ADAM28: variants seen among roughly 807,000 people sequenced by gnomAD.
ADAM28 encodes ADAM metallopeptidase domain 28, also known as disintegrin and metalloproteinase domain-containing protein 28.
Under a neutral mutation model 101.2 loss-of-function variants are expected in ADAM28, and 105 were observed. The observed-to-expected ratio is 1.04, with a 90% confidence interval of 0.89 to 1.22. ADAM28 has a LOEUF of 1.22. Among genes scored for constraint, ADAM28 ranks in the 50% most tolerant of loss-of-function variants. ADAM28 has a pLI of 0.00. For missense variants in ADAM28, 1,028 were observed against 945.4 expected (o/e 1.09, Z -1.15); for synonymous variants, 322 against 310.6 (o/e 1.04, Z -0.39).
At chr8:24,317,295 A>T (rs561684877) in intron 6 of ADAM28, among the ~76,000 whole-genome samples, 1 of 152,088 alleles carries the variant, frequency 6.6e-6, no homozygotes, top group Non-Finnish European at 1.5e-5. Context: ...TATATTACAA[A>T]GATATAGTAA....
intron 2 of ADAM28, among the ~76,000 whole-genome samples, chr8:24,302,696 G>A (rs1197893654): frequency 1.3e-5 from 2 of 152,200 alleles, no homozygotes; most frequent in African/African-American, 4.8e-5. Context: ...CATCAGTGAT[G>A]TTGAGCTTTT....
Position 24,335,620 on chromosome 8 carries a change from T to G in ADAM28, c.1546T>G (p.Cys516Gly). 1 of 1,611,146 alleles carries G rather than the reference T, an allele frequency of 6.2e-7. No individual in the cohort carries two copies. Among genetic ancestry groups the G allele is most frequent in the Non-Finnish European group, 8.5e-7 (1 of 1,178,642 alleles). The change falls in exon 14 of 23, where the codon TGC becomes GGC. Residue 516 changes from cysteine (C) to glycine (G), a missense_variant. Physicochemically the swap from Cys to Gly is radical, Grantham distance 159. Transcript: ENST00000265769. ...MGTCPTLQEQCTELWGPGTEV... is the reference protein window; with the variant it reads ...MGTCPTLQEQGTELWGPGTEV... ...GACATGCCCCACACTGCAGGAGCAG[T>G]GCACAGAGCTGTGGGGACCAGGTAG...
intron 13 of ADAM28, among the ~76,000 whole-genome samples, chr8:24,334,943 A>T (rs998469394): frequency 6.6e-6 from 1 of 152,192 alleles, no homozygotes; most frequent in African/African-American, 2.4e-5. Flanking sequence ...GAAAGGAAAT[A>T]GCTGAACCTA....
intron 14 of ADAM28, 169 bp downstream of exon 14, chr8:24,335,810 T>C (rs1326970589): frequency 3.1e-6 from 4 of 1,279,856 alleles, no homozygotes; most frequent in East Asian, 6.0e-5. Flanking sequence ...TTGCTAGATT[T>C]AGCAAGTAAA....
intron 5 of ADAM28, among the ~76,000 whole-genome samples, chr8:24,312,528 T>C (rs1810607422): frequency 6.6e-6 from 1 of 152,066 alleles, no homozygotes; most frequent in Non-Finnish European, 1.5e-5. Context: ...ACCCCATAAT[T>C]TATCTTCTTA....
intron 15 of ADAM28, among the ~76,000 whole-genome samples, chr8:24,339,856 C>G (rs980801083): frequency 6.6e-6 from 1 of 152,072 alleles, no homozygotes; most frequent in Non-Finnish European, 1.5e-5. Context: ...GAACATGCCA[C>G]AAAGAATGGG....
chr8:24,350,149 C>CA (rs1291163829), intron 19 of ADAM28, among the ~76,000 whole-genome samples, 177 bp downstream of exon 19: 1 of 152,142 alleles, frequency 6.6e-6, no homozygotes. Context: ...AGAAATCCTT[C>CA]ACATCTAGAA....
chr8:24,344,004 A>G (rs941211972), intron 18 of ADAM28, among the ~76,000 whole-genome samples: 6 of 152,248 alleles, frequency 3.9e-5, no homozygotes, highest in Non-Finnish European at 8.8e-5. Flanking sequence ...TCACCACGTC[A>G]CTTGTATTCT....
At chr8:24,319,192 T>G (rs1311432194) in intron 6 of ADAM28, among the ~76,000 whole-genome samples, 1 of 152,034 alleles carries the variant, frequency 6.6e-6, no homozygotes, top group East Asian at 1.9e-4. Flanking sequence ...GCTGGAATTG[T>G]CTTCCAATTT....
intron 2 of ADAM28, 151 bp from the exon 3 acceptor site, chr8:24,309,743 G>C: frequency 1.9e-6 from 1 of 524,688 alleles, no homozygotes; most frequent in South Asian, 3.0e-5. Context: ...AGTTGCCAGA[G>C]TTGTTTGATC....
chr8:24,318,009 A>G (rs759653058), intron 6 of ADAM28, among the ~76,000 whole-genome samples: 1 of 152,060 alleles, frequency 6.6e-6, no homozygotes, highest in Non-Finnish European at 1.5e-5. Flanking sequence ...GTTGAGAGCA[A>G]TTCCATGCTG....
At position 24,343,163 on chromosome 8, in the gene ADAM28, T is replaced by G. The variant is rs1440219925; in HGVS notation, c.1893T>G (p.Ser631=). ...CCTACAAATCAACCAATTGCTCATC[T>G]AAGTGCAAAGGACATGCTGTAAGTT... ...EKAYKSTNCS[S]KCKGHAVCDH... The change falls in exon 17 of 23, where the codon TCT becomes TCG. Residue 631 remains serine, a synonymous_variant. Transcript: ENST00000265769. The G allele has an allele frequency of 6.2e-7, 1 of 1,613,744 alleles. No homozygotes were observed. Among genetic ancestry groups the G allele is most frequent in the African/African-American group, 1.3e-5 (1 of 74,918 alleles).
intron 5 of ADAM28, among the ~76,000 whole-genome samples, chr8:24,312,471 T>C (rs2129269869): frequency 6.6e-6 from 1 of 152,236 alleles, no homozygotes; most frequent in South Asian, 2.1e-4. Flanking sequence ...TCTACTACGA[T>C]ATCCTAGTCC....
chr8:24,352,068 CTCTTAAATACCACCCTAGT>C lies in ADAM28; in HGVS notation c.2244+19_2244+37del. On this transcript the variant is annotated intron_variant, in intron 21 of 22. Transcript: ENST00000265769. ...AGCCTCTTTTGTGAGTTAGCAACTT[CTCTTAAATACCACCCTAGT>C]TCAATCTCCAGGAAATATCGGTGAA... is the stretch of plus-strand genomic sequence containing the variant. 1 of 1,610,344 alleles carries C rather than the reference CTCTTAAATACCACCCTAGT, an allele frequency of 6.2e-7. No individual in the cohort carries two copies. The highest frequency in any genetic ancestry group is 8.5e-7 in the Non-Finnish European group (1 of 1,176,692).
At chr8:24,345,213 G>A (rs1478042232) in intron 18 of ADAM28, among the ~76,000 whole-genome samples, 2 of 151,976 alleles carry the variant, frequency 1.3e-5, no homozygotes, top group Admixed American at 6.6e-5. Flanking sequence ...TACCTAGTGA[G>A]TTTCTTTAAA....
chr8:24,313,305 G>A (rs994941740), intron 5 of ADAM28, 83 bp from the exon 6 acceptor site: 61 of 1,290,776 alleles, frequency 4.7e-5, no homozygotes, highest in Non-Finnish European at 6.2e-5. Flanking sequence ...GAATTTTAAA[G>A]GTCCTCTTTT....
intron 15 of ADAM28, among the ~76,000 whole-genome samples, chr8:24,340,584 C>A (rs1054635679): frequency 6.6e-6 from 1 of 152,128 alleles, no homozygotes; most frequent in African/African-American, 2.4e-5. Flanking sequence ...AGTTTCTGTG[C>A]TCTAGTGGCT....
chr8:24,313,949 G>T (rs1462605008), intron 6 of ADAM28, among the ~76,000 whole-genome samples: 1 of 151,908 alleles, frequency 6.6e-6, no homozygotes, highest in Non-Finnish European at 1.5e-5. Context: ...TAGAGACAGG[G>T]TTTCACCATG....
At position 24,354,572 on chromosome 8, in the gene ADAM28, A is replaced by G. The variant is rs1373460731; in HGVS notation, c.*168A>G. ...TTGAAGAGACTAAAGAAAATTTTCAAGAGGAACATATGCCTGAGAACCTTT... is the reference window on the plus strand; with the variant it reads ...TTGAAGAGACTAAAGAAAATTTTCAGGAGGAACATATGCCTGAGAACCTTT... On this transcript the variant is annotated 3_prime_UTR_variant, in exon 23 of 23. Transcript: ENST00000265769. 3.0e-6 allele frequency: 2 copies of G among 661,698 alleles called. No individual in the cohort carries two copies. Among genetic ancestry groups the G allele is most frequent in the Non-Finnish European group, 4.8e-6 (2 of 417,690 alleles). The allele number at this position is 661,698 out of a possible 1,614,324, so 41.0% of individuals were successfully genotyped here.
Sources: allele counts gnomAD v4.1 joint callset (sites outside exome capture counted in the v4.1 genomes callset), GRCh38; gene constraint gnomAD v4.1.1; transcripts MANE v1.5; gene names NCBI Gene and HGNC (gene_info 2026-07-23, HGNC 2026-07-21).